LIMD1: variants seen among roughly 807,000 people sequenced by gnomAD.
LIMD1 encodes LIM domain containing 1.
A neutral mutation model predicts 58.4 loss-of-function variants in LIMD1; 23 were observed. The observed-to-expected ratio is 0.39, with a 90% CI of 0.28 to 0.56. LIMD1 has a LOEUF of 0.56. Among genes scored for constraint, LIMD1 ranks in the 20% least tolerant of loss-of-function variants. LIMD1 has a pLI of 0.57. For synonymous variants in LIMD1, 334 were observed against 345.5 expected, an observed-to-expected ratio of 0.97 and a Z score of 0.37; for missense variants, 838 against 855.5, an observed-to-expected ratio of 0.98 and a Z score of 0.25.
chr3:45,662,677 TA>T (rs879899390), intron 2 of LIMD1, among the ~76,000 whole-genome samples: 24 of 152,264 alleles, frequency 1.6e-4, no homozygotes, highest in Middle Eastern at 3.4e-3. Flanking sequence ...CTATTGTCAA[TA>T]AAAAACATAC....
rs1697685017 is a variant in LIMD1, at chr3:45,677,326, T to C, written c.*267T>C. On this transcript the variant is annotated 3_prime_UTR_variant, in exon 8 of 8. Transcript: ENST00000273317. Reference sequence around the variant, plus strand: ...CTCCAGCATGTGCGAGCACATGACCTGAGGTTGCATCATAGCACCAAAGGA... The same window carrying C: ...CTCCAGCATGTGCGAGCACATGACCCGAGGTTGCATCATAGCACCAAAGGA... 5.1e-6 allele frequency: 2 copies of C among 393,722 alleles called. No individual in the cohort carries two copies. Among genetic ancestry groups the C allele is most frequent in the Admixed American group, 3.9e-5 (1 of 25,870 alleles). The allele number at this position is 393,722 out of a possible 1,614,324, so 24.4% of individuals were successfully genotyped here. A position where few individuals can be genotyped will look rare whatever the true frequency, so the allele number is the denominator to read the frequency against.
At position 45,654,828 on chromosome 3, in the gene LIMD1, A is replaced by AAG. The variant is rs1553645831; in HGVS notation, c.1511-10821_1511-10820insGA. On this transcript the variant is annotated intron_variant, in intron 2 of 7. Transcript: ENST00000273317. ...ACCCTGTCTCAAAAAAAAAAAAAAAAAAAAAAGAAAAAAGAAAAAATTCAT... is the reference window on the plus strand; with the variant it reads ...ACCCTGTCTCAAAAAAAAAAAAAAAAAGAAAAAAGAAAAAAGAAAAAATTCAT... 5.6e-3 allele frequency among the ~76,000 whole-genome samples: 822 copies of AAG among 147,244 alleles called. 5 individuals carry two copies. Among genetic ancestry groups the AAG allele is most frequent in the African/African-American group, 0.02 (774 of 38,124 alleles).
intron 1 of LIMD1, among the ~76,000 whole-genome samples, chr3:45,615,616 C>A (rs1180963967): frequency 6.6e-6 from 1 of 151,918 alleles, no homozygotes; most frequent in Admixed American, 6.6e-5. Context: ...ATTAGCCGGG[C>A]AAGGTGGTGC....
intron 2 of LIMD1, among the ~76,000 whole-genome samples, chr3:45,637,707 C>G (rs1701802807): frequency 6.6e-6 from 1 of 152,158 alleles, no homozygotes; most frequent in Admixed American, 6.5e-5. Context: ...AACTTGCTCA[C>G]AGCCAGAGAT....
intron 1 of LIMD1, among the ~76,000 whole-genome samples, chr3:45,598,072 C>T (rs1385378537): frequency 6.6e-6 from 1 of 152,060 alleles, no homozygotes; most frequent in African/African-American, 2.4e-5. Context: ...GGACTCAAGG[C>T]ATCTTCCTAC....
At chr3:45,673,234 C>T (rs965329625) in intron 5 of LIMD1, among the ~76,000 whole-genome samples, 1 of 152,104 alleles carries the variant, frequency 6.6e-6, no homozygotes, top group Non-Finnish European at 1.5e-5. Flanking sequence ...AGTGCTGTCC[C>T]CAGAAGAGTG....
chr3:45,628,725 C>CT (rs1405495927), intron 1 of LIMD1, among the ~76,000 whole-genome samples: 3 of 152,184 alleles, frequency 2.0e-5, no homozygotes, highest in Admixed American at 2.0e-4. Context: ...TTGATGGCAT[C>CT]TTTATTTGTA....
chr3:45,665,437 T>C (rs1050163361), intron 2 of LIMD1, among the ~76,000 whole-genome samples: 11 of 152,082 alleles, frequency 7.2e-5, no homozygotes, highest in African/African-American at 2.2e-4. Flanking sequence ...TTTTGCCAAA[T>C]AGCACCTGCC....
At chr3:45,616,682 C>A (rs1701579172) in intron 1 of LIMD1, among the ~76,000 whole-genome samples, 1 of 152,014 alleles carries the variant, frequency 6.6e-6, no homozygotes, top group East Asian at 1.9e-4. Context: ...GTTGGTTCTT[C>A]AAGATTCACA....
In LIMD1 at chr3:45,594,778, AACACACACACACACAC is replaced by A. The variant is rs57091993; in HGVS notation, c.-51_-36del. 8,855 of 730,108 alleles carry A rather than the reference AACACACACACACACAC, an allele frequency of 0.012. 122 individuals are homozygous for A. Among genetic ancestry groups the A allele is most frequent in the African/African-American group, 0.05 (1,896 of 37,804 alleles). 45.2% of individuals were successfully genotyped at this position (730,108 alleles called of 1,614,324 possible). On this transcript the variant is annotated 5_prime_UTR_variant, in exon 1 of 8. Coordinates refer to ENST00000273317, the MANE Select transcript of LIMD1 (RefSeq NM_014240.3). ...TCGCCAGCATCTCCCCGCTGCCCTC[AACACACACACACACAC>A]ACACACACACACACACACACACACA...
chr3:45,673,865 G>A lies in LIMD1; in HGVS notation c.1824+360G>A, dbSNP rs1575368742. The A allele has an allele frequency of 2.2e-5, 6 of 274,778 alleles. No individual in the cohort carries two copies. In the South Asian group the frequency reaches 4.0e-4, roughly 18 times the overall value. 17.0% of individuals were successfully genotyped at this position (274,778 alleles called of 1,614,324 possible). On this transcript the variant is annotated intron_variant, in intron 6 of 7. Coordinates refer to ENST00000273317, the MANE Select transcript of LIMD1 (RefSeq NM_014240.3). ...TGATGGTGCTACTGCATTCCAGCAG[G>A]TGACAGCAAGACCTTGTCTCCAAAA...
chr3:45,622,114 G>C (rs981836879), intron 1 of LIMD1, among the ~76,000 whole-genome samples: 4 of 151,292 alleles, frequency 2.6e-5, no homozygotes, highest in African/African-American at 9.7e-5. Flanking sequence ...TGTATTTGCA[G>C]AGTTGTGCAA....
intron 2 of LIMD1, among the ~76,000 whole-genome samples, chr3:45,638,173 C>A (rs13096953): frequency 1 from 152,360 of 152,360 alleles, 76,180 homozygotes; most frequent in Non-Finnish European, 1. Context: ...GAATTCTCCC[C>A]ATTAAACCCA....
chr3:45,597,613 G>T (rs1701370583), intron 1 of LIMD1, among the ~76,000 whole-genome samples: 1 of 152,210 alleles, frequency 6.6e-6, no homozygotes, highest in African/African-American at 2.4e-5. Flanking sequence ...CAGAGAATCG[G>T]AGGGGTTTTT....
At chr3:45,651,154 C>T (rs188509730) in intron 2 of LIMD1, among the ~76,000 whole-genome samples, 226 of 152,186 alleles carry the variant, frequency 1.5e-3, no homozygotes, top group African/African-American at 5.1e-3. Flanking sequence ...AGTGTCTGTT[C>T]ATATCCTTTG....
chr3:45,656,218 GTC>G (rs1702025882), intron 2 of LIMD1, among the ~76,000 whole-genome samples: 1 of 148,942 alleles, frequency 6.7e-6, no homozygotes, highest in South Asian at 2.1e-4. Flanking sequence ...AGAAATAAAT[GTC>G]TATTGTTTAA....
intron 2 of LIMD1, among the ~76,000 whole-genome samples, chr3:45,652,523 G>T (rs1406212921): frequency 6.6e-6 from 1 of 152,108 alleles, no homozygotes; most frequent in Non-Finnish European, 1.5e-5. Flanking sequence ...TGGATATTTT[G>T]TATTCTTTCA....
At chr3:45,654,356 A>G (rs1009029798) in intron 2 of LIMD1, among the ~76,000 whole-genome samples, 5 of 152,154 alleles carry the variant, frequency 3.3e-5, no homozygotes. Flanking sequence ...GTTATAGCTT[A>G]TTTCTATTTT....
chr3:45,681,229 A>C lies in LIMD1; in HGVS notation c.*4170A>C, dbSNP rs1449758622. 1 of 152,190 alleles carries C rather than the reference A, an allele frequency of 6.6e-6. No homozygotes were observed. The highest frequency in any genetic ancestry group is 1.5e-5 in the Non-Finnish European group (1 of 68,032). 9.4% of individuals were successfully genotyped at this position (152,190 alleles called of 1,614,324 possible). A position where few individuals can be genotyped will look rare whatever the true frequency, so the allele number is the denominator to read the frequency against. Reference sequence around the variant, plus strand: ...CAAAGTATTGTGACAAAACTGCATCAATTTGTTGACTATTAAAGTGCTCCT... The same window carrying C: ...CAAAGTATTGTGACAAAACTGCATCCATTTGTTGACTATTAAAGTGCTCCT... On this transcript the variant is annotated 3_prime_UTR_variant, in exon 8 of 8. Coordinates refer to ENST00000273317, the MANE Select transcript of LIMD1 (RefSeq NM_014240.3).
Sources: allele counts gnomAD v4.1 joint callset (sites outside exome capture counted in the v4.1 genomes callset), GRCh38; gene constraint gnomAD v4.1.1; transcripts MANE v1.5; gene names NCBI Gene and HGNC (gene_info 2026-07-23, HGNC 2026-07-21).